Variants in NRXN1 observed in about 807,000 individuals in gnomAD.
NRXN1 encodes neurexin-1.
A neutral mutation model predicts 150.9 loss-of-function variants in NRXN1; 39 were observed. The ratio of observed to expected loss-of-function variants is 0.26; its 90% CI spans 0.20 to 0.34. NRXN1 has a LOEUF of 0.34. NRXN1 is among the 10% of genes least tolerant of loss of function. NRXN1 has a pLI of 1.00. For missense variants in NRXN1, 1,815 were observed against 1,949.9 expected, an observed-to-expected ratio of 0.93 and a Z score of 1.30; for synonymous variants, 924 against 757.0, an observed-to-expected ratio of 1.22 and a Z score of -3.62.
At chr2:49,970,318 G>T (rs1035154551) in intron 21 of NRXN1, 4 of 151,990 alleles carry the variant, frequency 2.6e-5, no homozygotes, top group Non-Finnish European at 5.9e-5. Context: ...TAAAATAAAG[G>T]TGAAAATTTG....
rs145638752 is a variant in NRXN1, at chr2:50,629,579, C to T, written c.833-5964G>A. 5.5e-3 allele frequency among the ~76,000 whole-genome samples: 838 copies of T among 151,608 alleles called. 7 individuals are homozygous for T. Among genetic ancestry groups the T allele is most frequent in the African/African-American group, 0.02 (815 of 41,464 alleles). On this transcript the variant is annotated intron_variant, in intron 5 of 22. Transcript: ENST00000401669. ...CGTGTGAAAAATTAATTTACCTGGA[C>T]ATTTATGCTACATTTATCAGCATAA...
At chr2:49,934,686 T>C (rs1345104769) in intron 22 of NRXN1, among the ~76,000 whole-genome samples, 1 of 152,100 alleles carries the variant, frequency 6.6e-6, no homozygotes, top group East Asian at 1.9e-4. Flanking sequence ...GCTGTGTGGG[T>C]AGGTGTGCCT....
rs148640881 is a variant in NRXN1 at position 50,711,919 on chromosome 2, A to G, written c.833-88304T>C. Among the ~76,000 whole-genome samples the G allele has an allele frequency of 3.7e-3, 556 of 152,200 alleles. 3 individuals carry two copies. The highest frequency in any genetic ancestry group is 0.012 in the African/African-American group (509 of 41,542). ...GGCAAGAAGCCCATCACCAGACACC[A>G]GACGCCGGCACCTTGATCTTGGACG... On this transcript the variant is annotated intron_variant, in intron 5 of 22. Coordinates refer to ENST00000401669, the MANE Select transcript of NRXN1 (RefSeq NM_001330078.2).
At chr2:50,013,610 T>C (rs1326412813) in intron 21 of NRXN1, among the ~76,000 whole-genome samples, 2 of 152,140 alleles carry the variant, frequency 1.3e-5, no homozygotes, top group Admixed American at 1.3e-4. Context: ...GATGAAATAA[T>C]TTACAACATC....
intron 17 of NRXN1, among the ~76,000 whole-genome samples, chr2:50,366,036 T>C (rs1356461386): frequency 6.6e-6 from 1 of 151,934 alleles, no homozygotes; most frequent in Non-Finnish European, 1.5e-5. Flanking sequence ...GGCTGAAATT[T>C]GGAGGGATGA....
At chr2:50,171,379 T>G (rs1253991995) in intron 18 of NRXN1, among the ~76,000 whole-genome samples, 2 of 152,046 alleles carry the variant, frequency 1.3e-5, no homozygotes, top group African/African-American at 4.8e-5. Context: ...ATATCAGTTC[T>G]AGACTATTTA....
intron 17 of NRXN1, among the ~76,000 whole-genome samples, chr2:50,446,307 T>C (rs1005713944): frequency 2.0e-5 from 3 of 152,254 alleles, no homozygotes; most frequent in Admixed American, 1.3e-4. Context: ...TATATCTACA[T>C]AGTAAAGTTA....
chr2:50,185,287 G>A (rs1038010516), intron 18 of NRXN1, among the ~76,000 whole-genome samples: 8 of 152,044 alleles, frequency 5.3e-5, no homozygotes, highest in South Asian at 4.1e-4. Context: ...TCTCTACAAG[G>A]AGAGGCAGTA....
At chr2:50,812,083 A>G (rs1373112865) in intron 5 of NRXN1, among the ~76,000 whole-genome samples, 1 of 152,178 alleles carries the variant, frequency 6.6e-6, no homozygotes, top group African/African-American at 2.4e-5. Flanking sequence ...AGATGAAAAA[A>G]AAAACTTAAC....
At chr2:50,081,787 T>G (rs1698007667) in intron 19 of NRXN1, among the ~76,000 whole-genome samples, 1 of 152,148 alleles carries the variant, frequency 6.6e-6, no homozygotes, top group South Asian at 2.1e-4. Flanking sequence ...TAAATATGTC[T>G]GTGCTATTTA....
At chr2:50,420,147 G>T (rs574253562) in intron 17 of NRXN1, among the ~76,000 whole-genome samples, 1 of 152,124 alleles carries the variant, frequency 6.6e-6, no homozygotes, top group East Asian at 1.9e-4. Context: ...AATTAACATG[G>T]AGAGGAGAGC....
rs530674644 is a variant in NRXN1, at chr2:50,552,964, G to A, written c.1382C>T (p.Pro461Leu). The A allele has an allele frequency of 7.4e-6, 12 of 1,613,592 alleles. No homozygotes were observed. In the East Asian group the frequency reaches 8.9e-5, roughly 12 times the overall value. Residue 461 changes from proline (P) to leucine (L), a missense_variant, in exon 9 of 23, where the codon CCT becomes CTT. This residue lies in a region of NRXN1 where 638 missense variants were observed against 652.6 expected (regional missense o/e 0.98). Transcript: ENST00000401669. ...ELSRLAKQGDPKMKIHGVVAF... is the reference protein window; with the variant it reads ...ELSRLAKQGDLKMKIHGVVAF... The stretch of plus-strand genomic sequence containing the variant: ...CACCACTCCATGGATCTTCATCTTA[G>A]GATCTCCTTGCTTGGCAAGTCGAGA...
chr2:51,006,995 C>A (rs182952156), intron 2 of NRXN1, among the ~76,000 whole-genome samples: 6 of 150,988 alleles, frequency 4.0e-5, no homozygotes, highest in African/African-American at 1.2e-4. Flanking sequence ...ACCAATAGAG[C>A]AGTGACCTGC....
intron 5 of NRXN1, among the ~76,000 whole-genome samples, chr2:50,710,400 A>AC (rs1295204645): frequency 6.6e-6 from 1 of 152,178 alleles, no homozygotes; most frequent in Non-Finnish European, 1.5e-5. Context: ...TTTGTGAGGC[A>AC]CCCCTAACAA....
chr2:50,886,466 A>G (rs1680264873), intron 5 of NRXN1, among the ~76,000 whole-genome samples: 1 of 151,396 alleles, frequency 6.6e-6, no homozygotes, highest in South Asian at 2.1e-4. Flanking sequence ...AAAAAAGGAA[A>G]TTTGCATTAG....
At chr2:50,823,757 A>G (rs1039415698) in intron 5 of NRXN1, among the ~76,000 whole-genome samples, 6 of 152,188 alleles carry the variant, frequency 3.9e-5, no homozygotes, top group African/African-American at 1.2e-4. Context: ...TTGGTTATTT[A>G]TTGCTTGATA....
chr2:50,668,003 C>A (rs1203727882), intron 5 of NRXN1, among the ~76,000 whole-genome samples: 1 of 152,004 alleles, frequency 6.6e-6, no homozygotes, highest in Non-Finnish European at 1.5e-5. Context: ...CATCACTCAT[C>A]AATGATGGTT....
intron 5 of NRXN1, among the ~76,000 whole-genome samples, chr2:50,641,566 T>A (rs1684080524): frequency 6.6e-6 from 1 of 152,066 alleles, no homozygotes; most frequent in African/African-American, 2.4e-5. Flanking sequence ...CAGAATTCTA[T>A]ACAAAATGGA....
At chr2:50,588,021 A>G (rs903381112) in intron 8 of NRXN1, among the ~76,000 whole-genome samples, 7 of 152,186 alleles carry the variant, frequency 4.6e-5, no homozygotes, top group African/African-American at 1.7e-4. Flanking sequence ...CAATAAGACT[A>G]GGCATTTTAT....
Sources: gnomAD v4.1 joint callset for allele counts (sites outside exome capture counted in the v4.1 genomes callset) on GRCh38, gnomAD v4.1.1 for gene constraint, gnomAD v4.1.1 regional missense constraint, MANE v1.5 for transcripts, NCBI Gene and HGNC (gene_info 2026-07-23, HGNC 2026-07-21) for gene names.